Variants in FBXW10 observed in about 807,000 individuals in gnomAD.
The protein encoded by FBXW10 is F-box/WD repeat-containing protein 10.
In FBXW10, 68 loss-of-function variants were observed where a neutral mutation model predicts 113.1. That is an observed-to-expected ratio of 0.60 (90% CI 0.49 to 0.74). The LOEUF is 0.74. Among genes scored for constraint, FBXW10 ranks in the 30% least tolerant of loss-of-function variants. The pLI is 0.00. For missense variants in FBXW10, 753 were observed against 1,284.5 expected, an observed-to-expected ratio of 0.59 and a Z score of 6.32; for synonymous variants, 289 against 481.6, an observed-to-expected ratio of 0.60 and a Z score of 5.24.
At chr17:18,772,291 G>A in intron 11 of FBXW10, 121 bp from the exon 12 acceptor site, 3 of 912,718 alleles carry the variant, frequency 3.3e-6, no homozygotes, top group Middle Eastern at 3.2e-4. Flanking sequence ...CTACTAGTCT[G>A]TTTGGTCATC....
chr17:18,766,028 T>C (rs4924923), intron 8 of FBXW10, among the ~76,000 whole-genome samples: 128,991 of 151,124 alleles, frequency 0.85, 54,788 homozygotes, highest in Admixed American at 0.89. Flanking sequence ...GGCCCGGCAT[T>C]AACTTCTTCA....
chr17:18,751,431 C>T (rs1047736587), intron 5 of FBXW10, among the ~76,000 whole-genome samples: 3 of 151,942 alleles, frequency 2.0e-5, no homozygotes, highest in Non-Finnish European at 4.4e-5. Flanking sequence ...GGGGTTTCAC[C>T]GTGTTAGCCC....
In FBXW10 at chr17:18,768,768, C is replaced by G. The variant is rs1364608314; in HGVS notation, c.1847+92C>G. On this transcript the variant is annotated intron_variant, in intron 10 of 13. Transcript: ENST00000395665. ...GCAATCATTGGCAGACCTTCTGCTC[C>G]CTGTAGACATCGTGTTCTCTGCACC... 3 of 1,329,612 alleles carry G rather than the reference C, an allele frequency of 2.3e-6. No homozygotes were observed. The African/African-American group carries it at 4.4e-5, about 19-fold the overall frequency. The allele number at this position is 1,329,612 out of a possible 1,614,324, so 82.4% of individuals were successfully genotyped here.
intron 5 of FBXW10, among the ~76,000 whole-genome samples, chr17:18,751,774 A>T (rs1046962305): frequency 6.6e-6 from 1 of 152,216 alleles, no homozygotes; most frequent in Non-Finnish European, 1.5e-5. Flanking sequence ...GGCTGGTTCC[A>T]GAATGCCTAG....
intron 7 of FBXW10, among the ~76,000 whole-genome samples, chr17:18,762,310 T>C (rs1245514325): frequency 6.6e-6 from 1 of 150,854 alleles, no homozygotes; most frequent in Non-Finnish European, 1.5e-5. Context: ...CAAATGACAA[T>C]ATATTATCTT....
At chr17:18,772,928 C>CT (rs940811811) in intron 12 of FBXW10, among the ~76,000 whole-genome samples, 3,180 of 135,600 alleles carry the variant, frequency 0.023, 80 homozygotes, top group African/African-American at 0.055. Context: ...TTCTTTCTTT[C>CT]TTTTTTTTTT....
At chr17:18,754,109 G>C (rs1456698190) in intron 5 of FBXW10, among the ~76,000 whole-genome samples, 1 of 151,948 alleles carries the variant, frequency 6.6e-6, no homozygotes, top group Non-Finnish European at 1.5e-5. Flanking sequence ...AGGTGTTGTT[G>C]CTCCCAGTTT....
intron 2 of FBXW10, among the ~76,000 whole-genome samples, 156 bp downstream of exon 2, chr17:18,748,261 T>A (rs2035082752): frequency 6.6e-6 from 1 of 151,278 alleles, no homozygotes. Flanking sequence ...CTACTAAAAA[T>A]ACAAAAAAAT....
At chr17:18,776,401 T>C (rs772029466) in intron 13 of FBXW10, among the ~76,000 whole-genome samples, 12 of 152,188 alleles carry the variant, frequency 7.9e-5, no homozygotes, top group African/African-American at 1.2e-4. Flanking sequence ...TTGGTAAAAA[T>C]TTAAAATGTC....
At chr17:18,773,222 C>T (rs948173407) in intron 12 of FBXW10, among the ~76,000 whole-genome samples, 4 of 151,986 alleles carry the variant, frequency 2.6e-5, no homozygotes, top group Non-Finnish European at 2.9e-5. Context: ...TGTGGGCCAC[C>T]GTGCCCGGCC....
intron 11 of FBXW10, among the ~76,000 whole-genome samples, chr17:18,771,373 A>T (rs1323060577): frequency 2.0e-5 from 3 of 152,190 alleles, no homozygotes; most frequent in Non-Finnish European, 4.4e-5. Flanking sequence ...TTAAGGGAAG[A>T]GCACAGAAAG....
chr17:18,759,323 A>C (rs902162152), intron 7 of FBXW10, among the ~76,000 whole-genome samples: 4 of 152,116 alleles, frequency 2.6e-5, no homozygotes, highest in African/African-American at 9.7e-5. Flanking sequence ...ATATTATTCT[A>C]ATTTTATACT....
At chr17:18,748,178 G>C in intron 2 of FBXW10, 73 bp downstream of exon 2, 17 of 1,589,948 alleles carry the variant, frequency 1.1e-5, no homozygotes, top group Non-Finnish European at 1.4e-5. Flanking sequence ...CCAGCACTTT[G>C]GGAGGCCGAG....
At chr17:18,771,623 A>C (rs2035614474) in intron 11 of FBXW10, among the ~76,000 whole-genome samples, 1 of 152,144 alleles carries the variant, frequency 6.6e-6, no homozygotes, top group African/African-American at 2.4e-5. Flanking sequence ...AGGGTCTATG[A>C]AGGAGAAGAG....
At chr17:18,752,213 G>A (rs2035184551) in intron 5 of FBXW10, among the ~76,000 whole-genome samples, 1 of 152,082 alleles carries the variant, frequency 6.6e-6, no homozygotes, top group African/African-American at 2.4e-5. Flanking sequence ...GGCTGTCATG[G>A]ACTGGACAGT....
chr17:18,773,666 C>T (rs929615235), intron 12 of FBXW10, among the ~76,000 whole-genome samples: 2 of 152,152 alleles, frequency 1.3e-5, no homozygotes, highest in Non-Finnish European at 2.9e-5. Context: ...GATAAATCAC[C>T]CCCAAGCATA....
At chr17:18,768,934 A>ATTT (rs59007149) in intron 10 of FBXW10, among the ~76,000 whole-genome samples, 10,933 of 114,266 alleles carry the variant, frequency 0.096, 1,041 homozygotes, top group Non-Finnish European at 0.14. Context: ...GAAGTTATTG[A>ATTT]TTTTTTTTTT....
In FBXW10 at chr17:18,749,755, C is replaced by T. The variant is rs374206318; in HGVS notation, c.704C>T (p.Ser235Phe). 3.7e-5 allele frequency: 59 copies of T among 1,613,978 alleles called. No individual in the cohort carries two copies. The highest frequency in any genetic ancestry group is 5.0e-5 in the Admixed American group (3 of 59,992). ...EPWRNSLRCI[S>F]EMNRLFSGKG... ...TGGAGGAATTCACTCCGGTGTATAT[C>T]CGAAATGAATAGGCTGTTTTCTGGA... The change falls in exon 3 of 14, where the codon TCC (serine) becomes TTC (phenylalanine). Residue 235 changes from serine (S) to phenylalanine (F), a missense_variant. Coordinates refer to ENST00000395665, the MANE Select transcript of FBXW10 (RefSeq NM_001267585.2).
At chr17:18,775,044 C>A in intron 12 of FBXW10, 92 bp from the exon 13 acceptor site, 1 of 786,836 alleles carries the variant, frequency 1.3e-6, no homozygotes, top group South Asian at 1.7e-5. Flanking sequence ...AAAAATCAGT[C>A]CAATTATCAG....
Sources: gnomAD v4.1 joint callset for allele counts (sites outside exome capture counted in the v4.1 genomes callset) on GRCh38, gnomAD v4.1.1 for gene constraint, MANE v1.5 for transcripts, NCBI Gene and HGNC (gene_info 2026-07-23, HGNC 2026-07-21) for gene names.